Variants in HTR1F observed in about 807,000 individuals in gnomAD.
HTR1F encodes the protein 5-hydroxytryptamine receptor 1F.
In HTR1F, 17 loss-of-function variants were observed where a neutral mutation model predicts 24.0. That is an observed-to-expected ratio of 0.71 (90% CI 0.48 to 1.06). HTR1F has a LOEUF of 1.06. Among genes scored for constraint, HTR1F ranks in the 50% least tolerant of loss-of-function variants. The pLI is 0.00. For missense variants in HTR1F, 391 were observed against 427.8 expected, an observed-to-expected ratio of 0.91 and a Z score of 0.76; for synonymous variants, 186 against 156.8, an observed-to-expected ratio of 1.19 and a Z score of -1.39.
intron 2 of HTR1F, among the ~76,000 whole-genome samples, chr3:87,864,083 C>A (rs1447765387): frequency 6.6e-6 from 1 of 152,182 alleles, no homozygotes; most frequent in East Asian, 1.9e-4. Context: ...CCATCCTCCA[C>A]ATTTAAAGAC....
At chr3:87,852,689 TGTATG>T (rs1245839584) in intron 2 of HTR1F, among the ~76,000 whole-genome samples, 2 of 151,768 alleles carry the variant, frequency 1.3e-5, no homozygotes, top group African/African-American at 4.9e-5. Context: ...CTGCTACAGC[TGTATG>T]ATCTGTTTTT....
At chr3:87,843,566 A>T (rs2107183838) in intron 2 of HTR1F, among the ~76,000 whole-genome samples, 1 of 149,260 alleles carries the variant, frequency 6.7e-6, no homozygotes, top group South Asian at 2.1e-4. Flanking sequence ...TTTAGGGTAC[A>T]TGTGCACATT....
intron 1 of HTR1F, among the ~76,000 whole-genome samples, chr3:87,802,251 T>C (rs1407411429): frequency 1.1e-5 from 1 of 93,662 alleles, no homozygotes; most frequent in African/African-American, 7.6e-5. Context: ...CTTCCTTCCT[T>C]CCTTCTTTTT....
At chr3:87,908,511 T>G (rs948421812) in intron 2 of HTR1F, among the ~76,000 whole-genome samples, 1 of 152,022 alleles carries the variant, frequency 6.6e-6, no homozygotes, top group Non-Finnish European at 1.5e-5. Context: ...GTAATATAAT[T>G]AGTTTCCAAG....
chr3:87,978,408 A>G (rs536442248), intron 2 of HTR1F, among the ~76,000 whole-genome samples: 2 of 152,320 alleles, frequency 1.3e-5, no homozygotes, highest in East Asian at 3.9e-4. Context: ...AAGAATGATA[A>G]CTAGAGAGTG....
chr3:87,831,202 A>T (rs1279574252), intron 2 of HTR1F, among the ~76,000 whole-genome samples: 3 of 151,848 alleles, frequency 2.0e-5, no homozygotes, highest in Non-Finnish European at 2.9e-5. Flanking sequence ...TGATGGACAA[A>T]CATCATGCTC....
At chr3:87,941,627 C>A (rs1225978943) in intron 2 of HTR1F, among the ~76,000 whole-genome samples, 1 of 152,088 alleles carries the variant, frequency 6.6e-6, no homozygotes, top group Non-Finnish European at 1.5e-5. Flanking sequence ...TATCCCTGAC[C>A]CTTGGAGTAA....
chr3:87,862,325 T>C (rs1705335359), intron 2 of HTR1F, among the ~76,000 whole-genome samples: 1 of 152,210 alleles, frequency 6.6e-6, no homozygotes, highest in South Asian at 2.1e-4. Context: ...ACTTCATTTG[T>C]TTTTAACAGC....
In HTR1F at chr3:87,831,281, A is replaced by T. The variant is rs1220402106; in HGVS notation, c.-43+9157A>T. 1.3e-5 allele frequency among the ~76,000 whole-genome samples: 2 copies of T among 151,026 alleles called. 1 individual carries two copies. Among genetic ancestry groups the T allele is most frequent in the Non-Finnish European group, 3.0e-5 (2 of 67,760 alleles). On this transcript the variant is annotated intron_variant, in intron 2 of 2. Transcript: ENST00000319595. ...CTACAAAATAAATAACAATGCAAAT[A>T]TTAGTAACTAACTTTAGTAGGGTCT...
intron 2 of HTR1F, among the ~76,000 whole-genome samples, chr3:87,944,315 CT>C (rs1444108723): frequency 6.6e-5 from 10 of 152,144 alleles, no homozygotes; most frequent in African/African-American, 2.2e-4. Flanking sequence ...TGTAGGTAAC[CT>C]TTTGAGTCAG....
chr3:87,818,851 G>C (rs1704300435), intron 1 of HTR1F, among the ~76,000 whole-genome samples: 1 of 152,184 alleles, frequency 6.6e-6, no homozygotes, highest in African/African-American at 2.4e-5. Flanking sequence ...GTTGGAAGTA[G>C]AGTATGGTAT....
At chr3:87,959,894 A>G (rs1705024597) in intron 2 of HTR1F, among the ~76,000 whole-genome samples, 1 of 151,974 alleles carries the variant, frequency 6.6e-6, no homozygotes, top group African/African-American at 2.4e-5. Context: ...TTTATATAGA[A>G]AAAGATATCA....
rs1434442986 is a variant in HTR1F at position 87,993,542 on chromosome 3, C to A, written c.*1692C>A. The A allele has an allele frequency of 6.0e-6, 1 of 166,886 alleles. No individual in the cohort carries two copies. Among genetic ancestry groups the A allele is most frequent in the Admixed American group, 6.6e-5 (1 of 15,244 alleles). 10.3% of individuals were successfully genotyped at this position (166,886 alleles called of 1,614,324 possible). On this transcript the variant is annotated 3_prime_UTR_variant, in exon 3 of 3. Coordinates refer to ENST00000319595, the MANE Select transcript of HTR1F (RefSeq NM_001322209.2). ...CAAAGAATGTATCTAGAACACATGT[C>A]AAATACACAGCACTGGGGCAAGAAA...
chr3:87,955,643 C>T (rs563297932), intron 2 of HTR1F, among the ~76,000 whole-genome samples: 151 of 151,486 alleles, frequency 1.0e-3, no homozygotes, highest in African/African-American at 3.6e-3. Flanking sequence ...GTAGTTGTAC[C>T]ATTTTATATT....
chr3:87,934,554 C>G (rs558495797), intron 2 of HTR1F, among the ~76,000 whole-genome samples: 4 of 152,148 alleles, frequency 2.6e-5, no homozygotes, highest in African/African-American at 7.2e-5. Context: ...TTCTAAGGTG[C>G]TATTTAGGGT....
chr3:87,921,970 A>G (rs907257414), intron 2 of HTR1F, among the ~76,000 whole-genome samples: 1 of 151,956 alleles, frequency 6.6e-6, no homozygotes, highest in Non-Finnish European at 1.5e-5. Context: ...GCTGTTGTGA[A>G]TAGTGTTGCA....
chr3:87,854,247 A>G (rs1293870263), intron 2 of HTR1F, among the ~76,000 whole-genome samples: 1 of 150,538 alleles, frequency 6.6e-6, no homozygotes, highest in Non-Finnish European at 1.5e-5. Context: ...CAGTTTTAGG[A>G]CTCCTTTCTC....
intron 2 of HTR1F, among the ~76,000 whole-genome samples, chr3:87,919,470 T>C (rs1325329343): frequency 6.6e-6 from 1 of 151,882 alleles, no homozygotes; most frequent in Admixed American, 6.6e-5. Flanking sequence ...TCACAATCTA[T>C]ACATCTGACA....
chr3:87,925,572 G>A (rs1704105971), intron 2 of HTR1F, among the ~76,000 whole-genome samples: 1 of 152,114 alleles, frequency 6.6e-6, no homozygotes, highest in South Asian at 2.1e-4. Flanking sequence ...GGGATCCCAG[G>A]TTACAATGCC....
Sources: gnomAD v4.1 joint callset for allele counts (sites outside exome capture counted in the v4.1 genomes callset) on GRCh38, gnomAD v4.1.1 for gene constraint, MANE v1.5 for transcripts, NCBI Gene and HGNC (gene_info 2026-07-23, HGNC 2026-07-21) for gene names.